The following ESYT2 variants were observed in gnomAD, a reference collection of about 807,000 sequenced individuals.
ESYT2 encodes extended synaptotagmin 2.
Under a neutral mutation model 107.2 loss-of-function variants are expected in ESYT2, and 54 were observed. That is an observed-to-expected ratio of 0.50 (90% CI 0.40 to 0.63). The LOEUF (loss-of-function observed/expected upper bound fraction) is 0.63. Ranked by LOEUF, ESYT2 falls within the 30% of genes least tolerant of loss-of-function variation. The pLI, the probability that ESYT2 is intolerant of heterozygous loss-of-function variation, is 0.00. For synonymous variants in ESYT2, 491 were observed against 434.1 expected (o/e 1.13, Z -1.63); for missense variants, 1,020 against 1,094.5 (o/e 0.93, Z 0.96).
intron 4 of ESYT2, among the ~76,000 whole-genome samples, chr7:158,793,003 C>G (rs1034880871): frequency 6.6e-6 from 1 of 151,904 alleles, no homozygotes; most frequent in Non-Finnish European, 1.5e-5. Flanking sequence ...CTCCTGACCT[C>G]GTGATCCGCC....
chr7:158,800,549 A>G lies in ESYT2; in HGVS notation c.331-1477T>C, dbSNP rs1839606100. On this transcript the variant is annotated intron_variant, in intron 1 of 22. Transcript: ENST00000275418. ...GGACTGGGACTACAGGCATGTGCCA[A>G]CTGGCTAATTTTTAAATTTTTTTAG... is the stretch of plus-strand genomic sequence containing the variant. Among the ~76,000 whole-genome samples, 6 of 151,938 alleles carry G rather than the reference A, an allele frequency of 3.9e-5. No homozygotes were observed. The South Asian group carries it at 1.2e-3, about 31-fold the overall frequency.
intron 3 of ESYT2, among the ~76,000 whole-genome samples, 187 bp from the exon 4 acceptor site, chr7:158,793,913 C>T (rs934512836): frequency 8.5e-5 from 13 of 152,160 alleles, no homozygotes; most frequent in Non-Finnish European, 1.2e-4. Flanking sequence ...ACCTTCCTCC[C>T]GTGAGCTGCA....
chr7:158,774,257 T>G (rs929142949), intron 6 of ESYT2, among the ~76,000 whole-genome samples: 1 of 152,064 alleles, frequency 6.6e-6, no homozygotes, highest in Non-Finnish European at 1.5e-5. Flanking sequence ...AGTGGAAGAG[T>G]CAAGATTCTT....
At chr7:158,788,299 A>G (rs1839176511) in intron 5 of ESYT2, 46 bp downstream of exon 5, 2 of 1,534,388 alleles carry the variant, frequency 1.3e-6, no homozygotes, top group Non-Finnish European at 1.8e-6. Context: ...CAGCTTAGAG[A>G]ACTTTAGAAA....
At chr7:158,777,639 G>A (rs966915224) in intron 6 of ESYT2, among the ~76,000 whole-genome samples, 1 of 152,018 alleles carries the variant, frequency 6.6e-6, no homozygotes, top group African/African-American at 2.4e-5. Flanking sequence ...AGAACCTTGA[G>A]TCAATTAACC....
chr7:158,755,621 CTGT>C (rs1347620999), intron 13 of ESYT2, among the ~76,000 whole-genome samples: 2 of 152,132 alleles, frequency 1.3e-5, no homozygotes, highest in Admixed American at 1.3e-4. Context: ...GGATATGCTG[CTGT>C]TACTTTTAAG....
chr7:158,735,700 A>G, intron 20 of ESYT2, 92 bp from the exon 21 acceptor site: 2 of 1,037,580 alleles, frequency 1.9e-6, no homozygotes, highest in Non-Finnish European at 2.9e-6. Context: ...AGATCATTCC[A>G]AATGTCATGT....
intron 7 of ESYT2, among the ~76,000 whole-genome samples, chr7:158,771,700 G>A (rs1030884686): frequency 2.0e-5 from 3 of 152,212 alleles, no homozygotes; most frequent in Non-Finnish European, 4.4e-5. Flanking sequence ...CAGAAGACAC[G>A]CCAGCTTTCC....
At chr7:158,814,749 C>T (rs1457606073) in intron 1 of ESYT2, among the ~76,000 whole-genome samples, 1 of 152,242 alleles carries the variant, frequency 6.6e-6, no homozygotes, top group Non-Finnish European at 1.5e-5. Flanking sequence ...GTTTTATGGG[C>T]TGGGCCCAGC....
At chr7:158,735,051 G>A (rs1172839606) in intron 21 of ESYT2, among the ~76,000 whole-genome samples, 6 of 152,200 alleles carry the variant, frequency 3.9e-5, no homozygotes, top group Non-Finnish European at 4.4e-5. Context: ...AGAAGGGTTG[G>A]CCCATGTGCC....
At chr7:158,781,543 G>A (rs558313364) in intron 6 of ESYT2, among the ~76,000 whole-genome samples, 1 of 152,038 alleles carries the variant, frequency 6.6e-6, no homozygotes, top group Non-Finnish European at 1.5e-5. Flanking sequence ...GTGTAAGAAC[G>A]AGAACAAGTG....
Position 158,743,588 on chromosome 7 carries a change from G to A in ESYT2, c.1735C>T (p.Arg579Cys), listed in dbSNP as rs1042499345. The A allele has an allele frequency of 8.1e-6, 13 of 1,612,982 alleles. No individual in the cohort carries two copies. Among genetic ancestry groups the A allele is most frequent in the Admixed American group, 1.7e-5 (1 of 59,816 alleles). Residue 579 changes from arginine (R) to cysteine (C), a missense_variant, in exon 17 of 23, where the codon CGC becomes TGC. Transcript: ENST00000275418. ...GGACCCGAGTTACTGAGCTGGAAGC[G>A]CTGGCTCACAGTCATGTCCTCACTG... ...LTSEDMTVSQ[R>C]FQLSNSGPNS...
intron 6 of ESYT2, among the ~76,000 whole-genome samples, chr7:158,786,289 A>G (rs114784895): frequency 3.0e-3 from 464 of 152,344 alleles, no homozygotes; most frequent in African/African-American, 0.011. Flanking sequence ...GTCTTTCTCT[A>G]AATTGTTAAA....
In ESYT2 at chr7:158,741,659, G is replaced by A. The variant is rs374453770; in HGVS notation, c.2032C>T (p.Leu678=). The change falls in exon 18 of 23, where the codon CTG becomes TTG. Residue 678 remains leucine (L), a synonymous_variant. Transcript: ENST00000275418. ...PEAGPQGLHD[L]GRSSSSLLAS... ...AGGAGGCTGGAGGAGCTTCTGCCCAGGTCGTGCAGCCCCTGAGGGCCGGCC... is the reference window on the plus strand; with the variant it reads ...AGGAGGCTGGAGGAGCTTCTGCCCAAGTCGTGCAGCCCCTGAGGGCCGGCC... 1 of 1,613,968 alleles carries A rather than the reference G, an allele frequency of 6.2e-7. No individual in the cohort carries two copies. The highest frequency in any genetic ancestry group is 1.1e-5 in the South Asian group (1 of 91,082).
chr7:158,796,334 AG>A (rs1345805622), intron 3 of ESYT2, among the ~76,000 whole-genome samples: 1 of 152,216 alleles, frequency 6.6e-6, no homozygotes, highest in Non-Finnish European at 1.5e-5. Flanking sequence ...AGGTGGTATT[AG>A]GAAGTATCAG....
At chr7:158,774,655 A>T (rs772308128) in intron 6 of ESYT2, among the ~76,000 whole-genome samples, 1 of 152,248 alleles carries the variant, frequency 6.6e-6, no homozygotes, top group Non-Finnish European at 1.5e-5. Context: ...GTCATGAGGA[A>T]ACGAAGATTT....
At chr7:158,802,533 G>A (rs1032042176) in intron 1 of ESYT2, among the ~76,000 whole-genome samples, 2 of 152,074 alleles carry the variant, frequency 1.3e-5, no homozygotes, top group East Asian at 1.9e-4. Flanking sequence ...CCTCTGCCTC[G>A]GGCTCTAAAA....
intron 7 of ESYT2, among the ~76,000 whole-genome samples, chr7:158,769,764 A>G (rs1214497420): frequency 6.6e-6 from 1 of 152,204 alleles, no homozygotes; most frequent in African/African-American, 2.4e-5. Context: ...GATAGCCCAA[A>G]GTTATGGTGT....
chr7:158,762,310 T>G (rs540215384), intron 10 of ESYT2, among the ~76,000 whole-genome samples: 1 of 152,042 alleles, frequency 6.6e-6, no homozygotes, highest in Non-Finnish European at 1.5e-5. Flanking sequence ...CCCCCGACAA[T>G]CCAATCCACA....
Sources: allele counts gnomAD v4.1 joint callset (sites outside exome capture counted in the v4.1 genomes callset), GRCh38; gene constraint gnomAD v4.1.1; transcripts MANE v1.5; gene names NCBI Gene and HGNC (gene_info 2026-07-23, HGNC 2026-07-21).